The following FNDC1 variants were observed in gnomAD, a reference collection of about 807,000 sequenced individuals.
The protein encoded by FNDC1 is fibronectin type III domain-containing protein 1.
FNDC1 carries 96 observed loss-of-function variants against 168.0 expected under a neutral mutation model. The ratio of observed to expected loss-of-function variants is 0.57; its 90% CI spans 0.48 to 0.68. The LOEUF (loss-of-function observed/expected upper bound fraction) is 0.68. FNDC1 is among the 30% of genes least tolerant of loss of function. FNDC1 has a pLI of 0.00. For synonymous variants in FNDC1, 1,099 were observed against 1,025.9 expected (o/e 1.07, Z -1.36); for missense variants, 2,587 against 2,482.1 (o/e 1.04, Z -0.90).
intron 4 of FNDC1, 101 bp downstream of exon 4, chr6:159,200,682 T>C: frequency 3.4e-6 from 3 of 883,300 alleles, no homozygotes; most frequent in East Asian, 5.3e-5. Flanking sequence ...AAACCTTCAC[T>C]GAGTTCCCAT....
intron 4 of FNDC1, 140 bp from the exon 5 acceptor site, chr6:159,214,805 C>T (rs1782675485): frequency 1.5e-6 from 1 of 685,482 alleles, no homozygotes; most frequent in African/African-American, 1.8e-5. Flanking sequence ...AATGTCCTTA[C>T]TAGAATTAGT....
chr6:159,269,577 A>ATCTGTCTGTCTGTCTGTCTG (rs879656250), intron 22 of FNDC1, among the ~76,000 whole-genome samples: 1 of 112,620 alleles, frequency 8.9e-6, no homozygotes, highest in African/African-American at 2.9e-5. Context: ...CATCTATCCT[A>ATCTGTCTGTCTGTCTGTCTG]TCTGTCTGTC....
intron 5 of FNDC1, 122 bp downstream of exon 5, chr6:159,215,273 C>G: frequency 1.1e-6 from 1 of 875,174 alleles, no homozygotes; most frequent in Middle Eastern, 2.6e-4. Context: ...CCAGATGTTA[C>G]AATGATTTGA....
At chr6:159,254,740 T>C (rs294893) in intron 17 of FNDC1, among the ~76,000 whole-genome samples, 93,769 of 148,542 alleles carry the variant, frequency 0.63, 31,173 homozygotes, top group Middle Eastern at 0.74. Flanking sequence ...ATCAGACTCA[T>C]GATCCTTCCC....
intron 22 of FNDC1, among the ~76,000 whole-genome samples, chr6:159,269,261 T>C (rs867723196): frequency 1.5e-4 from 12 of 79,596 alleles, no homozygotes; most frequent in Non-Finnish European, 3.1e-4. Context: ...ATCTATCATC[T>C]ATCTATCTAT....
At chr6:159,171,777 A>G (rs1343306362) in intron 1 of FNDC1, among the ~76,000 whole-genome samples, 2 of 152,242 alleles carry the variant, frequency 1.3e-5, no homozygotes, top group African/African-American at 4.8e-5. Flanking sequence ...ACACATGTGG[A>G]TGTACTCACA....
chr6:159,197,630 G>T lies in FNDC1; in HGVS notation c.304+5G>T, dbSNP rs753401284. On this transcript the variant is annotated splice_donor_5th_base_variant and intron_variant, in intron 2 of 22. Coordinates refer to ENST00000297267, the MANE Select transcript of FNDC1 (RefSeq NM_032532.3). The stretch of plus-strand genomic sequence containing the variant: ...CCTTCCTTATTGAGGATGTGGGTAA[G>T]TGACACTCTGATCTTGTTCCCAGTC... The T allele has an allele frequency of 6.2e-7, 1 of 1,606,212 alleles. No homozygotes were observed. The highest frequency in any genetic ancestry group is 1.1e-5 in the South Asian group (1 of 89,610).
chr6:159,208,195 G>A (rs1042834969), intron 4 of FNDC1, among the ~76,000 whole-genome samples: 1 of 152,238 alleles, frequency 6.6e-6, no homozygotes, highest in Non-Finnish European at 1.5e-5. Flanking sequence ...GGGATGGGGA[G>A]TGAGTGAGCT....
intron 22 of FNDC1, among the ~76,000 whole-genome samples, chr6:159,269,054 ATCTG>A (rs1195059941): frequency 9.6e-6 from 1 of 104,332 alleles, no homozygotes; most frequent in African/African-American, 3.5e-5. Flanking sequence ...GTATCTATCT[ATCTG>A]TCTATCTATC....
In FNDC1 at chr6:159,202,961, C is replaced by T. The variant is rs536146583; in HGVS notation, c.460+2380C>T. On this transcript the variant is annotated intron_variant, in intron 4 of 22. Transcript: ENST00000297267. Reference sequence around the variant, plus strand: ...ATTATTGGGTCTAGAAGTCCAAAGTCCCGATGTTGGCAGGTTTGATTTCTC... The same window carrying T: ...ATTATTGGGTCTAGAAGTCCAAAGTTCCGATGTTGGCAGGTTTGATTTCTC... 3.3e-5 allele frequency among the ~76,000 whole-genome samples: 5 copies of T among 152,288 alleles called. No homozygotes were observed. The South Asian group carries it at 1.0e-3, about 32-fold the overall frequency.
At chr6:159,256,107 C>T (rs1777365916) in intron 17 of FNDC1, among the ~76,000 whole-genome samples, 1 of 152,230 alleles carries the variant, frequency 6.6e-6, no homozygotes, top group African/African-American at 2.4e-5. Flanking sequence ...GCACAGCATC[C>T]ACCAACAACA....
intron 9 of FNDC1, among the ~76,000 whole-genome samples, chr6:159,226,859 C>T (rs1327336820): frequency 6.6e-6 from 1 of 152,176 alleles, no homozygotes; most frequent in Non-Finnish European, 1.5e-5. Flanking sequence ...CTTTTCCCAT[C>T]TGAACAACAC....
chr6:159,250,368 A>G (rs1777228182), intron 16 of FNDC1, among the ~76,000 whole-genome samples: 1 of 152,250 alleles, frequency 6.6e-6, no homozygotes, highest in Non-Finnish European at 1.5e-5. Flanking sequence ...CAAAAGTCAA[A>G]TAGAGAAACT....
At chr6:159,202,193 T>A (rs1782394711) in intron 4 of FNDC1, among the ~76,000 whole-genome samples, 1 of 152,046 alleles carries the variant, frequency 6.6e-6, no homozygotes, top group African/African-American at 2.4e-5. Flanking sequence ...TCAAACCACT[T>A]GAAGCATGTA....
chr6:159,225,800 C>A (rs1459473513), intron 8 of FNDC1, 78 bp downstream of exon 8: 1 of 1,312,244 alleles, frequency 7.6e-7, no homozygotes, highest in Non-Finnish European at 1.0e-6. Flanking sequence ...ATGTAAGATG[C>A]CAATAGTGAC....
At chr6:159,221,822 A>T in intron 6 of FNDC1, 126 bp downstream of exon 6, 1 of 787,618 alleles carries the variant, frequency 1.3e-6, no homozygotes, top group Non-Finnish European at 2.1e-6. Flanking sequence ...TAACAGGGCA[A>T]ATGTGGTCAC....
intron 11 of FNDC1, among the ~76,000 whole-genome samples, chr6:159,234,864 A>G (rs762700637): frequency 2.0e-5 from 3 of 152,352 alleles, no homozygotes; most frequent in South Asian, 4.1e-4. Context: ...AAAATGTGTC[A>G]CAACCATGAT....
chr6:159,267,672 T>C, intron 21 of FNDC1, 132 bp from the exon 22 acceptor site: 1 of 915,798 alleles, frequency 1.1e-6, no homozygotes, highest in Non-Finnish European at 1.6e-6. Context: ...TTTTCAGACA[T>C]GAAAAATACA....
intron 1 of FNDC1, among the ~76,000 whole-genome samples, chr6:159,188,541 A>ATT (rs376851284): frequency 5.5e-5 from 8 of 144,960 alleles, no homozygotes; most frequent in Non-Finnish European, 1.2e-4. Context: ...GGCCCGGCTA[A>ATT]TTTTTTTTTT....
Sources: gnomAD v4.1 joint callset for allele counts (sites outside exome capture counted in the v4.1 genomes callset) on GRCh38, gnomAD v4.1.1 for gene constraint, MANE v1.5 for transcripts, NCBI Gene and HGNC (gene_info 2026-07-23, HGNC 2026-07-21) for gene names.